PDGFC: variants seen among roughly 807,000 people sequenced by gnomAD.
The protein encoded by PDGFC is platelet-derived growth factor C.
A neutral mutation model predicts 35.5 loss-of-function variants in PDGFC; 12 were observed. The ratio of observed to expected loss-of-function variants is 0.34; its 90% CI spans 0.22 to 0.55. The LOEUF is 0.55. Among genes scored for constraint, PDGFC ranks in the 20% least tolerant of loss-of-function variants. PDGFC has a pLI of 0.91. For synonymous variants in PDGFC, 159 were observed against 148.8 expected, an observed-to-expected ratio of 1.07 and a Z score of -0.50; for missense variants, 322 against 412.4, an observed-to-expected ratio of 0.78 and a Z score of 1.90.
intron 2 of PDGFC, among the ~76,000 whole-genome samples, chr4:156,848,756 G>A (rs999437452): frequency 6.6e-6 from 1 of 151,934 alleles, no homozygotes; most frequent in Admixed American, 6.6e-5. Context: ...TCAGGAGAAT[G>A]AGTAACAAAA....
At chr4:156,838,113 TA>T (rs1729107560) in intron 2 of PDGFC, among the ~76,000 whole-genome samples, 1 of 152,214 alleles carries the variant, frequency 6.6e-6, no homozygotes, top group South Asian at 2.1e-4. Flanking sequence ...AAGAGAACTT[TA>T]TTCTGTGTCC....
intron 1 of PDGFC, among the ~76,000 whole-genome samples, 154 bp from the exon 2 acceptor site, chr4:156,850,570 G>T (rs1729429685): frequency 6.6e-6 from 1 of 151,948 alleles, no homozygotes; most frequent in Admixed American, 6.5e-5. Flanking sequence ...AACTGATCCA[G>T]AAAAAAGATT....
chr4:156,946,028 T>C (rs1225301822), intron 1 of PDGFC, among the ~76,000 whole-genome samples: 2 of 152,104 alleles, frequency 1.3e-5, no homozygotes, highest in Admixed American at 6.6e-5. Flanking sequence ...AGCCTTGATA[T>C]TTCTTCTTGT....
intron 1 of PDGFC, among the ~76,000 whole-genome samples, chr4:156,908,995 T>C (rs190471991): frequency 4.6e-5 from 7 of 152,264 alleles, no homozygotes; most frequent in East Asian, 1.9e-4. Context: ...ACCACACATA[T>C]ACAATTTCAT....
intron 2 of PDGFC, among the ~76,000 whole-genome samples, chr4:156,824,327 T>TACACAC (rs1204930651): frequency 9.7e-5 from 10 of 102,834 alleles, no homozygotes; most frequent in Non-Finnish European, 1.1e-4. Context: ...TATATATATA[T>TACACAC]ACACACACAC....
At chr4:156,790,207 C>T (rs1310163262) in intron 3 of PDGFC, among the ~76,000 whole-genome samples, 4 of 151,816 alleles carry the variant, frequency 2.6e-5, no homozygotes, top group Admixed American at 6.6e-5. Flanking sequence ...TTTTGCAGCT[C>T]AAATAAAATA....
chr4:156,829,627 C>T (rs1728876217), intron 2 of PDGFC, among the ~76,000 whole-genome samples: 1 of 152,140 alleles, frequency 6.6e-6, no homozygotes, highest in Non-Finnish European at 1.5e-5. Flanking sequence ...TTGATAGTCT[C>T]TTGTGTCACC....
chr4:156,940,651 C>T (rs969450132), intron 1 of PDGFC, among the ~76,000 whole-genome samples: 5 of 152,162 alleles, frequency 3.3e-5, no homozygotes, highest in African/African-American at 1.2e-4. Flanking sequence ...GGGTGTCTGT[C>T]CAGAATATCC....
chr4:156,900,810 G>A (rs568161997), intron 1 of PDGFC, among the ~76,000 whole-genome samples: 2 of 151,872 alleles, frequency 1.3e-5, no homozygotes, highest in South Asian at 4.2e-4. Flanking sequence ...ACTCCAGCCT[G>A]AGTGACAGAG....
intron 2 of PDGFC, among the ~76,000 whole-genome samples, chr4:156,815,982 T>C (rs569808555): frequency 6.2e-4 from 94 of 152,290 alleles, no homozygotes; most frequent in South Asian, 3.9e-3. Flanking sequence ...AAGTCTGGTG[T>C]TGTAGACAAA....
chr4:156,965,684 C>T (rs933066923), intron 1 of PDGFC, among the ~76,000 whole-genome samples: 17 of 151,956 alleles, frequency 1.1e-4, no homozygotes, highest in African/African-American at 3.9e-4. Flanking sequence ...TCTCATCACT[C>T]CCCCAGCCAT....
chr4:156,908,285 T>A (rs1332606413), intron 1 of PDGFC, among the ~76,000 whole-genome samples: 1 of 152,202 alleles, frequency 6.6e-6, no homozygotes, highest in Non-Finnish European at 1.5e-5. Flanking sequence ...TTATGATGCA[T>A]TATCACATTA....
intron 2 of PDGFC, among the ~76,000 whole-genome samples, chr4:156,846,685 T>C (rs1457058353): frequency 2.0e-5 from 3 of 151,826 alleles, no homozygotes; most frequent in Admixed American, 2.0e-4. Flanking sequence ...ATACTGCTAC[T>C]AATGTTCGAT....
intron 2 of PDGFC, among the ~76,000 whole-genome samples, chr4:156,816,548 T>C (rs1490866301): frequency 1.3e-5 from 2 of 152,170 alleles, no homozygotes; most frequent in Middle Eastern, 3.2e-3. Context: ...GTACTTTTTA[T>C]ATAGTAACTC....
chr4:156,801,766 C>A (rs568284383), intron 3 of PDGFC, among the ~76,000 whole-genome samples: 1 of 152,102 alleles, frequency 6.6e-6, no homozygotes, highest in East Asian at 1.9e-4. Flanking sequence ...ATTATTAATT[C>A]TAAAGGTGTC....
chr4:156,956,719 T>C (rs1371338189), intron 1 of PDGFC, among the ~76,000 whole-genome samples: 1 of 152,080 alleles, frequency 6.6e-6, no homozygotes, highest in Non-Finnish European at 1.5e-5. Flanking sequence ...TATGTACTTA[T>C]TAGCTTGACA....
At chr4:156,765,863 A>C (rs1730510384) in intron 5 of PDGFC, among the ~76,000 whole-genome samples, 1 of 152,124 alleles carries the variant, frequency 6.6e-6, no homozygotes, top group Admixed American at 6.6e-5. Flanking sequence ...AGCAGCTAAT[A>C]TATATTAATG....
In PDGFC at chr4:156,810,855, G is replaced by A; in HGVS notation, c.477C>T (p.His159=). ...YFPSEPGFCI[H]YNIVMPQFTE... ...TACTTACTGGCATGACAATGTTGTA[G>A]TGGATGCAGAACCCTGGTTCAGAAG... Residue 159 remains histidine, a synonymous_variant, in exon 3 of 6, where the codon CAC becomes CAT. Coordinates refer to ENST00000502773, the MANE Select transcript of PDGFC (RefSeq NM_016205.3). The A allele has an allele frequency of 6.2e-7, 1 of 1,601,640 alleles. No homozygotes were observed. Among genetic ancestry groups the A allele is most frequent in the Non-Finnish European group, 8.5e-7 (1 of 1,170,400 alleles).
chr4:156,826,402 C>A (rs1031380374), intron 2 of PDGFC, among the ~76,000 whole-genome samples: 2 of 151,670 alleles, frequency 1.3e-5, no homozygotes, highest in African/African-American at 4.8e-5. Flanking sequence ...AGGGTTTCAC[C>A]CTGTTAGCCA....
Sources: allele counts gnomAD v4.1 joint callset (sites outside exome capture counted in the v4.1 genomes callset), GRCh38; gene constraint gnomAD v4.1.1; transcripts MANE v1.5; gene names NCBI Gene and HGNC (gene_info 2026-07-23, HGNC 2026-07-21).